Variants in GLIS3 observed in about 807,000 individuals in gnomAD.
GLIS3 encodes zinc finger protein GLIS3.
A neutral mutation model predicts 78.6 loss-of-function variants in GLIS3; 53 were observed. The ratio of observed to expected loss-of-function variants is 0.67; its 90% CI spans 0.54 to 0.85. The LOEUF (loss-of-function observed/expected upper bound fraction) is 0.85. GLIS3 is among the 40% of genes least tolerant of loss of function. The pLI, the probability that GLIS3 is intolerant of heterozygous loss-of-function variation, is 0.00. For missense variants in GLIS3, 1,703 were observed against 1,231.1 expected, an observed-to-expected ratio of 1.38 and a Z score of -5.74; for synonymous variants, 684 against 509.9, an observed-to-expected ratio of 1.34 and a Z score of -4.60.
chr9:4,310,574 G>C (rs1038086619), intron 2 of GLIS3: 2 of 152,256 alleles, frequency 1.3e-5, no homozygotes, highest in Non-Finnish European at 2.9e-5. Context: ...AATCACATTT[G>C]CAGTGCCCCT....
chr9:4,446,504 ATTTTTTTT>A, the GLIS3 span, among the ~76,000 whole-genome samples: 3 of 124,146 alleles, frequency 2.4e-5, no homozygotes, highest in Non-Finnish European at 5.0e-5. Flanking sequence ...AAATATCCAA[ATTTTTTTT>A]TTTTTTTTTT....
the GLIS3 span, among the ~76,000 whole-genome samples, chr9:4,380,880 G>A: frequency 6.6e-5 from 10 of 152,164 alleles, no homozygotes; most frequent in Non-Finnish European, 1.3e-4. Flanking sequence ...CTCTCAAAAT[G>A]TCTCTAAGGT....
the GLIS3 span, among the ~76,000 whole-genome samples, chr9:4,465,762 CA>C: frequency 1.3e-5 from 2 of 151,580 alleles, no homozygotes; most frequent in African/African-American, 2.4e-5. Flanking sequence ...AAAAAATTTT[CA>C]AAAAAAATTA....
intron 6 of GLIS3, among the ~76,000 whole-genome samples, chr9:3,918,758 C>CA (rs543162262): frequency 7.2e-5 from 11 of 152,094 alleles, no homozygotes; most frequent in South Asian, 2.1e-4. Flanking sequence ...AAACAAAACA[C>CA]AAAAAAACAA....
intron 2 of GLIS3, among the ~76,000 whole-genome samples, chr9:4,247,978 T>A (rs1434606399): frequency 6.6e-6 from 1 of 152,190 alleles, no homozygotes; most frequent in Non-Finnish European, 1.5e-5. Flanking sequence ...GTGCAGTAGA[T>A]CTCAACTACT....
intron 2 of GLIS3, among the ~76,000 whole-genome samples, chr9:4,338,967 G>A (rs554531855): frequency 2.6e-5 from 4 of 152,300 alleles, no homozygotes; most frequent in Admixed American, 1.3e-4. Flanking sequence ...TTCAAAATGA[G>A]ACGGCTTTAT....
chr9:4,178,766 T>G (rs1817020155), intron 2 of GLIS3, among the ~76,000 whole-genome samples: 1 of 152,220 alleles, frequency 6.6e-6, no homozygotes, highest in Non-Finnish European at 1.5e-5. Flanking sequence ...ACTGAAGACA[T>G]TTTTCAGTTA....
At chr9:4,444,955 C>A in the GLIS3 span, among the ~76,000 whole-genome samples, 1 of 152,124 alleles carries the variant, frequency 6.6e-6, no homozygotes, top group Non-Finnish European at 1.5e-5. Context: ...AAAAAATATA[C>A]GACTATTTTT....
At chr9:4,185,254 G>C (rs1586909941) in intron 2 of GLIS3, among the ~76,000 whole-genome samples, 1 of 152,144 alleles carries the variant, frequency 6.6e-6, no homozygotes, top group Non-Finnish European at 1.5e-5. Context: ...AATTTTTCTT[G>C]AAGTTTGTCT....
At chr9:4,355,674 C>G in the GLIS3 span, among the ~76,000 whole-genome samples, 1 of 152,180 alleles carries the variant, frequency 6.6e-6, no homozygotes. Context: ...CAGCTAGGGA[C>G]ACTAACTCAG....
chr9:4,086,285 T>C (rs987127368), intron 4 of GLIS3, among the ~76,000 whole-genome samples: 7 of 152,300 alleles, frequency 4.6e-5, no homozygotes, highest in African/African-American at 1.7e-4. Context: ...ATGACCTCTA[T>C]GAAACTTCCC....
At chr9:3,956,120 T>C (rs766250007) in intron 4 of GLIS3, among the ~76,000 whole-genome samples, 34 of 152,150 alleles carry the variant, frequency 2.2e-4, no homozygotes, top group Middle Eastern at 6.8e-3. Flanking sequence ...AAAAAAACTC[T>C]TCTGGTTACA....
At chr9:3,887,031 T>C (rs566742215) in intron 7 of GLIS3, among the ~76,000 whole-genome samples, 1 of 152,330 alleles carries the variant, frequency 6.6e-6, no homozygotes, top group East Asian at 1.9e-4. Context: ...TTCTTAAGGG[T>C]TGGCACAGTC....
the GLIS3 span, among the ~76,000 whole-genome samples, chr9:4,399,957 C>G: frequency 6.6e-6 from 1 of 152,030 alleles, no homozygotes; most frequent in Non-Finnish European, 1.5e-5. Flanking sequence ...ATGGTTGGAG[C>G]AGAAATAGGA....
At chr9:3,916,039 A>T (rs1198825606) in intron 6 of GLIS3, among the ~76,000 whole-genome samples, 2 of 152,232 alleles carry the variant, frequency 1.3e-5, no homozygotes, top group African/African-American at 4.8e-5. Context: ...CTTCTAGTCC[A>T]TGTAGAAGAA....
chr9:4,440,367 A>G, the GLIS3 span, among the ~76,000 whole-genome samples: 2 of 152,094 alleles, frequency 1.3e-5, no homozygotes, highest in African/African-American at 4.8e-5. Context: ...TTCATTTTTT[A>G]TATAAGGGTC....
the GLIS3 span, among the ~76,000 whole-genome samples, chr9:4,400,218 G>C: frequency 6.6e-6 from 1 of 152,198 alleles, no homozygotes; most frequent in African/African-American, 2.4e-5. Context: ...TCACTCTTCT[G>C]TGTGATGATG....
chr9:4,191,726 A>G (rs1166548775), intron 2 of GLIS3, among the ~76,000 whole-genome samples: 1 of 152,232 alleles, frequency 6.6e-6, no homozygotes, highest in Non-Finnish European at 1.5e-5. Context: ...AAACAAGTCA[A>G]TTAGTAAATG....
At chr9:4,326,290 A>C (rs952650668) in intron 2 of GLIS3, among the ~76,000 whole-genome samples, 1 of 152,254 alleles carries the variant, frequency 6.6e-6, no homozygotes, top group Non-Finnish European at 1.5e-5. Flanking sequence ...ACAGTGAAAA[A>C]GGTAGAAACA....
Sources: gnomAD v4.1 joint callset for allele counts (sites outside exome capture counted in the v4.1 genomes callset) on GRCh38, gnomAD v4.1.1 for gene constraint, MANE v1.5 for transcripts, NCBI Gene and HGNC (gene_info 2026-07-23, HGNC 2026-07-21) for gene names.